The following NCS1 variants were observed in gnomAD, a reference collection of about 807,000 sequenced individuals.
The protein encoded by NCS1 is neuronal calcium sensor 1.
NCS1 carries 6 observed loss-of-function variants against 28.4 expected under a neutral mutation model. That is an observed-to-expected ratio of 0.21 (90% CI 0.12 to 0.42). The LOEUF (loss-of-function observed/expected upper bound fraction) is 0.42, where lower values mean the gene tolerates loss of function less well. NCS1 is among the 10% of genes least tolerant of loss of function. The probability of loss-of-function intolerance (pLI) is 1.00; values close to 1 mark genes in which losing one functional copy is unlikely to be tolerated. For missense variants in NCS1, 131 were observed against 241.4 expected (o/e 0.54, Z 3.03); for synonymous variants, 86 against 99.3 (o/e 0.87, Z 0.79).
rs368038654 is a variant in NCS1, at chr9:130,202,055, C to A, written c.89+1073C>A. On this transcript the variant is annotated intron_variant, in intron 2 of 7. Transcript: ENST00000372398. ...TTCTCCCTGCCTTCACACACGCCAG[C>A]CAGAGGGGTCTTTGCTGAACAAAAA... Among the ~76,000 whole-genome samples the A allele has an allele frequency of 1.4e-4, 22 of 152,342 alleles. No homozygotes were observed. In the East Asian group the frequency reaches 3.1e-3, roughly 21 times the overall value.
chr9:130,223,547 T>C (rs1833369115), intron 6 of NCS1, among the ~76,000 whole-genome samples: 1 of 152,174 alleles, frequency 6.6e-6, no homozygotes, highest in South Asian at 2.1e-4. Flanking sequence ...GAATCTGTGA[T>C]GTAGCGTTCT....
chr9:130,200,185 C>T (rs1832922883), intron 1 of NCS1, among the ~76,000 whole-genome samples: 1 of 152,230 alleles, frequency 6.6e-6, no homozygotes, highest in African/African-American at 2.4e-5. Context: ...CGCGCTCACA[C>T]AGGCAGGGAG....
chr9:130,204,948 G>T (rs782259971), intron 2 of NCS1, among the ~76,000 whole-genome samples: 3 of 152,128 alleles, frequency 2.0e-5, no homozygotes, highest in Non-Finnish European at 4.4e-5. Context: ...CGTGCTCCCT[G>T]TGCCAGGCAC....
At chr9:130,224,357 A>G (rs1833381558) in intron 6 of NCS1, among the ~76,000 whole-genome samples, 1 of 144,650 alleles carries the variant, frequency 6.9e-6, no homozygotes, top group South Asian at 2.2e-4. Context: ...GCGCCATTGC[A>G]CTCCAGCCTG....
At chr9:130,183,618 G>A (rs899071667) in intron 1 of NCS1, among the ~76,000 whole-genome samples, 1 of 152,104 alleles carries the variant, frequency 6.6e-6, no homozygotes, top group African/African-American at 2.4e-5. Flanking sequence ...AGCCTTTGGG[G>A]ATGGAAAGTG....
Position 130,226,619 on chromosome 9 carries a change from C to A in NCS1, c.*17+115C>A. ...CCTGGGTCTCTGGGGGTGTTGTGGT[C>A]AGCCTAGCAGGGACATAGCTGGGAG... On this transcript the variant is annotated intron_variant, in intron 7 of 7. Coordinates refer to ENST00000372398, the MANE Select transcript of NCS1 (RefSeq NM_014286.4). This position sits in a 1 kb window ranked among gnomAD's most constrained non-coding sequence, Gnocchi z 4.8. 1.3e-6 allele frequency: 1 copy of A among 762,102 alleles called. No homozygotes were observed. The highest frequency in any genetic ancestry group is 2.2e-6 in the Non-Finnish European group (1 of 459,558). The allele number at this position is 762,102 out of a possible 1,614,324, so 47.2% of individuals were successfully genotyped here.
rs963700187 is a variant in NCS1 at position 130,235,802 on chromosome 9, T to A, written c.*2830T>A. ...GCCTCCTGAGCAGCCCGTGCGCCTC[T>A]CCACAGCGGCGTTTGCCACCCAATG... On this transcript the variant is annotated 3_prime_UTR_variant, in exon 8 of 8. Coordinates refer to ENST00000372398, the MANE Select transcript of NCS1 (RefSeq NM_014286.4). The A allele has an allele frequency of 3.9e-5, 6 of 152,392 alleles. No individual in the cohort carries two copies. The highest frequency in any genetic ancestry group is 1.4e-4 in the African/African-American group (6 of 41,458). 9.4% of individuals were successfully genotyped at this position (152,392 alleles called of 1,614,324 possible).
chr9:130,200,823 C>A, intron 1 of NCS1, 135 bp from the exon 2 acceptor site: 1 of 1,449,720 alleles, frequency 6.9e-7, no homozygotes, highest in Non-Finnish European at 9.7e-7. Context: ...ATTTTCTCAT[C>A]CAGAGCAGGC....
At chr9:130,183,673 CTCTT>C (rs1217542651) in intron 1 of NCS1, among the ~76,000 whole-genome samples, 20 of 149,992 alleles carry the variant, frequency 1.3e-4, no homozygotes, top group Admixed American at 3.3e-4. Context: ...TTCCTTCTCT[CTCTT>C]TCTTCCTTCC....
intron 1 of NCS1, among the ~76,000 whole-genome samples, chr9:130,190,409 G>C (rs782628271): frequency 6.6e-6 from 1 of 152,066 alleles, no homozygotes; most frequent in Non-Finnish European, 1.5e-5. Context: ...TATTTTCTAC[G>C]TATGTAACTA....
chr9:130,205,122 AG>A (rs1833007001), intron 2 of NCS1, among the ~76,000 whole-genome samples: 1 of 152,052 alleles, frequency 6.6e-6, no homozygotes, highest in African/African-American at 2.4e-5. Context: ...AGGTCAGGCA[AG>A]GCTGCTCTGG....
At chr9:130,195,564 T>C (rs1001527834) in intron 1 of NCS1, among the ~76,000 whole-genome samples, 17 of 152,144 alleles carry the variant, frequency 1.1e-4, no homozygotes, top group South Asian at 1.0e-3. Flanking sequence ...GCTGGGATTA[T>C]AGGCACGCGC....
Position 130,191,778 on chromosome 9 carries a change from T to G in NCS1, c.65-9180T>G, listed in dbSNP as rs529971642. On this transcript the variant is annotated intron_variant, in intron 1 of 7. Coordinates refer to ENST00000372398, the MANE Select transcript of NCS1 (RefSeq NM_014286.4). The surrounding 1 kb of genome is among the most constrained non-coding windows in gnomAD (Gnocchi z 6.4). ...GGTCTGATGGCCCTGGTGGGCAGCC[T>G]GCTTGGAAGGGGCAGCGAGCAGAGC... 6.6e-6 allele frequency among the ~76,000 whole-genome samples: 1 copy of G among 152,330 alleles called. No individual in the cohort carries two copies. The highest frequency in any genetic ancestry group is 1.9e-4 in the East Asian group (1 of 5,180).
intron 2 of NCS1, among the ~76,000 whole-genome samples, chr9:130,206,848 G>T (rs888945030): frequency 6.6e-6 from 1 of 151,260 alleles, no homozygotes; most frequent in African/African-American, 2.5e-5. Flanking sequence ...GCCATCCGGG[G>T]TGGGAGCGGC....
At chr9:130,225,098 G>C (rs1554911226) in intron 6 of NCS1, among the ~76,000 whole-genome samples, 1 of 152,196 alleles carries the variant, frequency 6.6e-6, no homozygotes, top group East Asian at 1.9e-4. Context: ...AGGCTGAAGT[G>C]GGAGGATGGC....
Position 130,175,679 on chromosome 9 carries a change from G to T in NCS1, c.64+2952G>T, listed in dbSNP as rs1406697195. On this transcript the variant is annotated intron_variant, in intron 1 of 7. Coordinates refer to ENST00000372398, the MANE Select transcript of NCS1 (RefSeq NM_014286.4). This position sits in a 1 kb window ranked among gnomAD's most constrained non-coding sequence, Gnocchi z 4.9. ...GGCGTCTCTGGCTCTGTCTGTGGTG[G>T]TCTGTGTGTGTGAGGAAGCAGGAGT... Among the ~76,000 whole-genome samples, 1 of 152,202 alleles carries T rather than the reference G, an allele frequency of 6.6e-6. No homozygotes were observed. Among genetic ancestry groups the T allele is most frequent in the Admixed American group, 6.5e-5 (1 of 15,280 alleles).
rs1833552245 is a variant in NCS1, at chr9:130,234,586, C to T, written c.*1614C>T. 1 of 152,400 alleles carries T rather than the reference C, an allele frequency of 6.6e-6. No individual in the cohort carries two copies. Among genetic ancestry groups the T allele is most frequent in the Non-Finnish European group, 1.5e-5 (1 of 68,200 alleles). 9.4% of individuals were successfully genotyped at this position (152,400 alleles called of 1,614,324 possible). On this transcript the variant is annotated 3_prime_UTR_variant, in exon 8 of 8. Coordinates refer to ENST00000372398, the MANE Select transcript of NCS1 (RefSeq NM_014286.4). This position sits in a 1 kb window ranked among gnomAD's most constrained non-coding sequence, Gnocchi z 6.1. ...CATGCCGACATCATGTCACTCTAGGCCTGGGGTTCAGTTTCCTGTGGCTGG... is the reference window on the plus strand; with the variant it reads ...CATGCCGACATCATGTCACTCTAGGTCTGGGGTTCAGTTTCCTGTGGCTGG...
In NCS1 at chr9:130,222,100, GTA is replaced by G. The variant is rs1262833517; in HGVS notation, c.308-539_308-538del. Among the ~76,000 whole-genome samples the G allele has an allele frequency of 6.6e-3, 414 of 62,396 alleles. 57 individuals are homozygous for G. Among genetic ancestry groups the G allele is most frequent in the Non-Finnish European group, 7.4e-3 (245 of 33,220 alleles). 40.9% of individuals were successfully genotyped at this position (62,396 alleles called of 152,430 possible). A position where few individuals can be genotyped will look rare whatever the true frequency, so the allele number is the denominator to read the frequency against. On this transcript the variant is annotated intron_variant, in intron 4 of 7. Coordinates refer to ENST00000372398, the MANE Select transcript of NCS1 (RefSeq NM_014286.4). ...TCTATAAATATATATATGTGTGTGT[GTA>G]TATATATATACGTATATATATATGT...
chr9:130,193,345 G>C (rs763626106), intron 1 of NCS1, among the ~76,000 whole-genome samples: 1 of 152,124 alleles, frequency 6.6e-6, no homozygotes, highest in Non-Finnish European at 1.5e-5. Context: ...GATGCTGGCA[G>C]CTGCAGGTGG....
Sources: allele counts gnomAD v4.1 joint callset (sites outside exome capture counted in the v4.1 genomes callset), GRCh38; gene constraint gnomAD v4.1.1; non-coding constraint Gnocchi (gnomAD v3.1); transcripts MANE v1.5; gene names NCBI Gene and HGNC (gene_info 2026-07-23, HGNC 2026-07-21).